The following ARFIP1 variants were observed in gnomAD, a reference collection of about 807,000 sequenced individuals.
ARFIP1 encodes ARF interacting protein 1, also known as arfaptin-1.
A neutral mutation model predicts 42.5 loss-of-function variants in ARFIP1; 24 were observed. The ratio of observed to expected loss-of-function variants is 0.57; its 90% CI spans 0.41 to 0.80. The LOEUF (loss-of-function observed/expected upper bound fraction) is 0.80, where lower values mean the gene tolerates loss of function less well. Among genes scored for constraint, ARFIP1 ranks in the 30% least tolerant of loss-of-function variants. ARFIP1 has a pLI of 0.00. For missense variants in ARFIP1, 354 were observed against 434.0 expected, an observed-to-expected ratio of 0.82 and a Z score of 1.64; for synonymous variants, 141 against 153.7, an observed-to-expected ratio of 0.92 and a Z score of 0.61.
Position 152,829,623 on chromosome 4 carries a change from A to G in ARFIP1, c.-9-2A>G, listed in dbSNP as rs781012339. 6.2e-7 allele frequency: 1 copy of G among 1,600,298 alleles called. No individual in the cohort carries two copies. Among genetic ancestry groups the G allele is most frequent in the Admixed American group, 1.7e-5 (1 of 57,224 alleles). On this transcript the variant is annotated splice_acceptor_variant, in intron 1 of 8. Coordinates refer to ENST00000353617, the MANE Select transcript of ARFIP1 (RefSeq NM_001025595.3). LOFTEE classifies it low-confidence loss of function (5UTR_SPLICE). ...GGCGCTTTTTTTCTTCTTTTGTTTT[A>G]GGAGTCTACCATGGCTCAAGAATCT...
At chr4:152,817,063 T>G (rs977402544) in intron 1 of ARFIP1, among the ~76,000 whole-genome samples, 8 of 152,154 alleles carry the variant, frequency 5.3e-5, no homozygotes, top group African/African-American at 1.9e-4. Flanking sequence ...TATTTCTGTT[T>G]TATCTCATGC....
At chr4:152,903,484 GT>G (rs138825213) in intron 8 of ARFIP1, among the ~76,000 whole-genome samples, 6,638 of 147,066 alleles carry the variant, frequency 0.045, 181 homozygotes, top group South Asian at 0.12. Flanking sequence ...TCCATTTGGA[GT>G]TTTTTTTTTT....
rs558826779 is a variant in ARFIP1, at chr4:152,870,108, G to C, written c.203-645G>C. Among the ~76,000 whole-genome samples the C allele has an allele frequency of 2.6e-5, 4 of 152,304 alleles. No homozygotes were observed. The South Asian group carries it at 8.3e-4, about 32-fold the overall frequency. Reference sequence around the variant, plus strand: ...TCACCTGGGGAAATCTTATGAAAATGTAGGTTTGGGTTCAGTAGGTCTGGG... The same window carrying C: ...TCACCTGGGGAAATCTTATGAAAATCTAGGTTTGGGTTCAGTAGGTCTGGG... On this transcript the variant is annotated intron_variant, in intron 3 of 8. Transcript: ENST00000353617.
At chr4:152,889,200 T>C (rs1026212637) in intron 8 of ARFIP1, among the ~76,000 whole-genome samples, 1 of 152,116 alleles carries the variant, frequency 6.6e-6, no homozygotes, top group African/African-American at 2.4e-5. Flanking sequence ...AAGGGCATTT[T>C]AGTAAACTAT....
intron 8 of ARFIP1, among the ~76,000 whole-genome samples, chr4:152,899,766 A>G (rs546886260): frequency 2.0e-5 from 3 of 152,288 alleles, no homozygotes; most frequent in Non-Finnish European, 1.5e-5. Flanking sequence ...GTCAGTGGAC[A>G]CTAATCTTTG....
At chr4:152,804,019 T>A (rs549032289) in intron 1 of ARFIP1, among the ~76,000 whole-genome samples, 1 of 135,460 alleles carries the variant, frequency 7.4e-6, no homozygotes, top group African/African-American at 2.8e-5. Context: ...ATATATATAT[T>A]ATATATAATA....
intron 2 of ARFIP1, among the ~76,000 whole-genome samples, chr4:152,853,632 G>A (rs1156760539): frequency 6.6e-6 from 1 of 152,096 alleles, no homozygotes; most frequent in African/African-American, 2.4e-5. Flanking sequence ...CCATAGAGAA[G>A]ATCTTTTTGT....
At chr4:152,833,703 A>G (rs1379613791) in intron 2 of ARFIP1, among the ~76,000 whole-genome samples, 7 of 152,224 alleles carry the variant, frequency 4.6e-5, no homozygotes, top group Non-Finnish European at 1.0e-4. Context: ...TCTATTAAAA[A>G]GGAAGAAATC....
At chr4:152,895,539 A>T (rs1579030496) in intron 8 of ARFIP1, among the ~76,000 whole-genome samples, 1 of 141,358 alleles carries the variant, frequency 7.1e-6, no homozygotes, top group Admixed American at 7.2e-5. Flanking sequence ...GGTACATGCC[A>T]CTGCACTTGG....
chr4:152,909,251 G>A (rs1371775233), intron 8 of ARFIP1, among the ~76,000 whole-genome samples: 5 of 152,082 alleles, frequency 3.3e-5, no homozygotes, highest in African/African-American at 1.2e-4. Flanking sequence ...TGGGCATGGT[G>A]GTGCACACTT....
At chr4:152,905,843 G>A (rs774804534) in intron 8 of ARFIP1, among the ~76,000 whole-genome samples, 59 of 152,064 alleles carry the variant, frequency 3.9e-4, no homozygotes, top group Non-Finnish European at 5.7e-4. Flanking sequence ...ATGGGCCACC[G>A]TGCCTGGCCA....
intron 2 of ARFIP1, among the ~76,000 whole-genome samples, chr4:152,851,883 C>G (rs1733012695): frequency 6.6e-6 from 1 of 152,164 alleles, no homozygotes; most frequent in South Asian, 2.1e-4. Flanking sequence ...ATAGTAACCT[C>G]TATTAAAATA....
At chr4:152,897,790 A>C (rs1020493130) in intron 8 of ARFIP1, among the ~76,000 whole-genome samples, 3 of 152,128 alleles carry the variant, frequency 2.0e-5, no homozygotes, top group African/African-American at 4.8e-5. Context: ...ACTTGAACAG[A>C]TCACTAATAA....
chr4:152,847,124 CTTT>C (rs771661005), intron 2 of ARFIP1, among the ~76,000 whole-genome samples: 41 of 40,548 alleles, frequency 1.0e-3, no homozygotes, highest in East Asian at 3.6e-3. Context: ...TAGGTTTGTT[CTTT>C]TTTTTTTTTT....
chr4:152,805,289 C>T (rs1423413070), intron 1 of ARFIP1, among the ~76,000 whole-genome samples: 3 of 152,158 alleles, frequency 2.0e-5, no homozygotes, highest in Non-Finnish European at 4.4e-5. Context: ...AGTTCCAGCT[C>T]ATTTACTTAG....
At chr4:152,875,378 TAAA>T (rs11302481) in intron 5 of ARFIP1, among the ~76,000 whole-genome samples, 37 of 100,138 alleles carry the variant, frequency 3.7e-4, no homozygotes, top group African/African-American at 1.2e-3. Context: ...TCTTTTTTTA[TAAA>T]AAAAAAAAAA....
chr4:152,820,134 AC>A (rs1477971429), intron 1 of ARFIP1, among the ~76,000 whole-genome samples: 4 of 151,108 alleles, frequency 2.6e-5, no homozygotes, highest in African/African-American at 7.3e-5. Flanking sequence ...TGGCCCCCCC[AC>A]CCCCAAAGAA....
chr4:152,809,325 C>T (rs983395716), intron 1 of ARFIP1, among the ~76,000 whole-genome samples: 3 of 152,030 alleles, frequency 2.0e-5, no homozygotes, highest in East Asian at 1.9e-4. Flanking sequence ...GCTTTACTTA[C>T]GAGAGCCCAA....
chr4:152,814,309 G>T (rs1418362883), intron 1 of ARFIP1, among the ~76,000 whole-genome samples: 2 of 151,954 alleles, frequency 1.3e-5, no homozygotes, highest in East Asian at 1.9e-4. Flanking sequence ...GCCCAGGCTG[G>T]ACTTGAACTC....
Sources: gnomAD v4.1 joint callset for allele counts (sites outside exome capture counted in the v4.1 genomes callset) on GRCh38, gnomAD v4.1.1 for gene constraint, MANE v1.5 for transcripts, NCBI Gene and HGNC (gene_info 2026-07-23, HGNC 2026-07-21) for gene names.